The following INPP5E variants were observed in gnomAD, a reference collection of about 807,000 sequenced individuals.
INPP5E encodes the protein phosphatidylinositol polyphosphate 5-phosphatase type IV.
In INPP5E, 34 loss-of-function variants were observed where a neutral mutation model predicts 50.5. The ratio of observed to expected loss-of-function variants is 0.67; its 90% confidence interval spans 0.51 to 0.90. The LOEUF is 0.90. Among genes scored for constraint, INPP5E ranks in the 40% least tolerant of loss-of-function variants. INPP5E has a pLI of 0.00. For synonymous variants in INPP5E, 447 were observed against 406.0 expected (o/e 1.10, Z -1.21); for missense variants, 942 against 905.5 (o/e 1.04, Z -0.52).
rs1022640639 is a variant in INPP5E at position 136,432,568 on chromosome 9, G to A, written c.1298C>T (p.Ala433Val). The A allele has an allele frequency of 8.4e-6, 13 of 1,549,102 alleles. No individual in the cohort carries two copies. Among genetic ancestry groups the A allele is most frequent in the African/African-American group, 2.7e-5 (2 of 73,054 alleles). ...SHFTSGDGKV[A>V]ERLLDYTRTV... is the part of the protein sequence containing the mutation. ...CCTGGTGTAGTCCAGCAGCCGCTCC[G>A]CCACCTTCCCGTCACCTGCTGTGGG... is the stretch of plus-strand genomic sequence containing the variant. The change falls in exon 6 of 10, where the codon GCG (alanine) becomes GTG (valine). Residue 433 changes from alanine to valine, a missense_variant. Coordinates refer to ENST00000371712, the MANE Select transcript of INPP5E (RefSeq NM_019892.6).
Position 136,430,145 on chromosome 9 carries a change from G to A in INPP5E, c.1802+132C>T, listed in dbSNP as rs73670263. ...CTCCAGGATGAGTCCAACCGATCCCGGGGAACACAGCCCTGAAGGTCCCAG... is the reference window on the plus strand; with the variant it reads ...CTCCAGGATGAGTCCAACCGATCCCAGGGAACACAGCCCTGAAGGTCCCAG... On this transcript the variant is annotated intron_variant, in intron 9 of 9. Transcript: ENST00000371712. 2.1e-3 allele frequency: 2,598 copies of A among 1,211,736 alleles called. 35 individuals are homozygous for A. In the African/African-American group the frequency reaches 0.034, roughly 16 times the overall value. The allele number at this position is 1,211,736 out of a possible 1,614,324, so 75.1% of individuals were successfully genotyped here.
chr9:136,433,658 G>A (rs1034370125), intron 3 of INPP5E, among the ~76,000 whole-genome samples: 8 of 152,212 alleles, frequency 5.3e-5, no homozygotes, highest in African/African-American at 9.6e-5. Flanking sequence ...CTTGGGGCCC[G>A]GCCCTGCTCC....
At position 136,433,246 on chromosome 9, in the gene INPP5E, C is replaced by T. The variant is rs1194897168; in HGVS notation, c.1068G>A (p.Leu356=). Residue 356 remains leucine (L), a synonymous_variant, in exon 4 of 10, where the codon CTG becomes CTA. Transcript: ENST00000371712. ...REWETRLQET[L]GPHYVLLSSA... ...AGGACAGCAGCACATAGTGCGGGCC[C>T]AGCGTCTCCTGCAGACGAGTCTCCC... The T allele has an allele frequency of 6.3e-7, 1 of 1,592,152 alleles. No homozygotes were observed. The highest frequency in any genetic ancestry group is 8.5e-7 in the Non-Finnish European group (1 of 1,176,730).
chr9:136,439,461 G>A lies in INPP5E; in HGVS notation c.-42C>T, dbSNP rs766217466. Reference sequence around the variant, plus strand: ...GGCAGGCCTCGGCGCGAGGCCGCAGGCAGCGCGAGGGGTCACGGGTGCCGG... The same window carrying A: ...GGCAGGCCTCGGCGCGAGGCCGCAGACAGCGCGAGGGGTCACGGGTGCCGG... On this transcript the variant is annotated 5_prime_UTR_variant, in exon 1 of 10. Coordinates refer to ENST00000371712, the MANE Select transcript of INPP5E (RefSeq NM_019892.6). The A allele has an allele frequency of 1.4e-6, 2 of 1,390,608 alleles. No homozygotes were observed. Among genetic ancestry groups the A allele is most frequent in the South Asian group, 1.5e-5 (1 of 67,140 alleles). The allele number at this position is 1,390,608 out of a possible 1,614,324, so 86.1% of individuals were successfully genotyped here. A position where few individuals can be genotyped will look rare whatever the true frequency, so the allele number is the denominator to read the frequency against.
chr9:136,432,051 A>C, intron 6 of INPP5E, 66 bp from the exon 7 acceptor site: 1 of 1,591,974 alleles, frequency 6.3e-7, no homozygotes, highest in Non-Finnish European at 8.6e-7. Context: ...CTTCCCCAGA[A>C]CATGGCCTGG....
chr9:136,434,715 C>T (rs1446681085), intron 2 of INPP5E, 25 bp downstream of exon 2: 1 of 1,599,734 alleles, frequency 6.3e-7, no homozygotes, highest in Non-Finnish European at 8.5e-7. Flanking sequence ...CCCTTCCCCG[C>T]CCAGCACCAC....
Position 136,439,048 on chromosome 9 carries a change from G to A in INPP5E, c.372C>T (p.Pro124=). The A allele has an allele frequency of 4.5e-6, 7 of 1,570,402 alleles. No homozygotes were observed. The highest frequency in any genetic ancestry group is 2.3e-5 in the South Asian group (2 of 86,012). Residue 124 remains proline (P), a synonymous_variant, in exon 1 of 10, where the codon CCC becomes CCT. Coordinates refer to ENST00000371712, the MANE Select transcript of INPP5E (RefSeq NM_019892.6). Reference sequence around the variant, plus strand: ...GGCAGGGCGGGGAGCAGCTGTGGGCGGGGGCCCCGGGGCCCTCGCTCTGCA... The same window carrying A: ...GGCAGGGCGGGGAGCAGCTGTGGGCAGGGGCCCCGGGGCCCTCGCTCTGCA... The part of the protein sequence containing the change: ...GSVQSEGPGA[P]AHSCSPPCLS...
Position 136,434,083 on chromosome 9 carries a change from C to T in INPP5E, c.988G>A (p.Ala330Thr), listed in dbSNP as rs761085367. 1.2e-6 allele frequency: 2 copies of T among 1,611,160 alleles called. No individual in the cohort carries two copies. The highest frequency in any genetic ancestry group is 3.3e-4 in the Middle Eastern group (2 of 6,042). Reference sequence around the variant, plus strand: ...ACCCCGATGACATACAGGTCCTGGGCATAGTCGGCCTCGGCTGGGAGCAGG... The same window carrying T: ...ACCCCGATGACATACAGGTCCTGGGTATAGTCGGCCTCGGCTGGGAGCAGG... ...EFLLPAEADY[A>T]QDLYVIGVQE... The change falls in exon 3 of 10, where the codon GCC becomes ACC. Residue 330 changes from alanine to threonine, a missense_variant. By Grantham distance (58) the Ala-to-Thr change is moderately conservative. Transcript: ENST00000371712.
In INPP5E at chr9:136,431,920, C is replaced by A; in HGVS notation, c.1453G>T (p.Gly485Trp). 6.2e-7 allele frequency: 1 copy of A among 1,611,870 alleles called. No homozygotes were observed. Among genetic ancestry groups the A allele is most frequent in the Non-Finnish European group, 8.5e-7 (1 of 1,179,738 alleles). Reference sequence around the variant, plus strand: ...AGGAGGGCGTCCACGACTGTGCGCCCGCCACTCAGGCGGAAGTTGAAGTCT... The same window carrying A: ...AGGAGGGCGTCCACGACTGTGCGCCAGCCACTCAGGCGGAAGTTGAAGTCT... Reference protein sequence around the residue: ...FGDFNFRLSGGRTVVDALLCQ... With the variant: ...FGDFNFRLSGWRTVVDALLCQ... Residue 485 changes from glycine to tryptophan, a missense_variant, in exon 7 of 10, where the codon GGG (glycine) becomes TGG (tryptophan). Physicochemically the swap from Gly to Trp is radical, Grantham distance 184 (BLOSUM62 -2). Coordinates refer to ENST00000371712, the MANE Select transcript of INPP5E (RefSeq NM_019892.6).
chr9:136,432,936 G>T lies in INPP5E; in HGVS notation c.1279+20C>A. 6.2e-7 allele frequency: 1 copy of T among 1,611,416 alleles called. No homozygotes were observed. Among genetic ancestry groups the T allele is most frequent in the Non-Finnish European group, 8.5e-7 (1 of 1,179,036 alleles). On this transcript the variant is annotated intron_variant, in intron 5 of 9. Transcript: ENST00000371712. ...GCTGTTCTCACACAGCACCTGCGGT[G>T]CGGGCACCAAGCAACTTACAGGTGA... is the stretch of plus-strand genomic sequence containing the variant.
Position 136,429,886 on chromosome 9 carries a change from A to AG in INPP5E, c.1803-80dup, listed in dbSNP as rs555224966. On this transcript the variant is annotated intron_variant, in intron 9 of 9. Transcript: ENST00000371712. ...GTTAGGAGGGGGCCGGCCCCGGAGG[A>AG]GGGGGCATTTAAGAGGACACCCAGG... is the stretch of plus-strand genomic sequence containing the variant. 533 of 1,050,316 alleles carry AG rather than the reference A, an allele frequency of 5.1e-4. 10 individuals are homozygous for AG. The South Asian group carries it at 5.8e-3, about 11-fold the overall frequency. 65.1% of individuals were successfully genotyped at this position (1,050,316 alleles called of 1,614,324 possible).
chr9:136,433,241 G>T lies in INPP5E; in HGVS notation c.1073C>A (p.Pro358Gln), dbSNP rs1835755632. 1 of 1,592,738 alleles carries T rather than the reference G, an allele frequency of 6.3e-7. No homozygotes were observed. The highest frequency in any genetic ancestry group is 1.7e-5 in the Admixed American group (1 of 59,218). Residue 358 changes from proline (P) to glutamine (Q), a missense_variant, in exon 4 of 10, where the codon CCG (proline) becomes CAG (glutamine). Transcript: ENST00000371712. ...WETRLQETLG[P>Q]HYVLLSSAAH... ...CGCCGAGGACAGCAGCACATAGTGC[G>T]GGCCCAGCGTCTCCTGCAGACGAGT... is the stretch of plus-strand genomic sequence containing the variant.
At position 136,434,033 on chromosome 9, in the gene INPP5E, C is replaced by T; in HGVS notation, c.1034+4G>A. On this transcript the variant is annotated splice_donor_region_variant and intron_variant, in intron 3 of 9. Coordinates refer to ENST00000371712, the MANE Select transcript of INPP5E (RefSeq NM_019892.6). ...AGGCACTGCAGGGCCTGCAGCCGCC[C>T]TACCTGTCAGAACAGCCCTCCTGGA... The T allele has an allele frequency of 1.2e-6, 2 of 1,603,836 alleles. No individual in the cohort carries two copies. Among genetic ancestry groups the T allele is most frequent in the Non-Finnish European group, 1.7e-6 (2 of 1,176,472 alleles).
chr9:136,433,506 G>A (rs1428113579), intron 3 of INPP5E, among the ~76,000 whole-genome samples: 5 of 152,094 alleles, frequency 3.3e-5, no homozygotes, highest in Admixed American at 1.3e-4. Context: ...GACCCCCGCC[G>A]AGACCCCAGT....
At position 136,431,839 on chromosome 9, in the gene INPP5E, G is replaced by C. The variant is rs374152018; in HGVS notation, c.1534C>G (p.Arg512Gly). ...PALLQHDQLI[R>G]EMRKGSIFKG... ...AGGCCCTCACCTTTCCGCATCTCCC[G>C]GATGAGCTGGTCGTGCTGCAGCAGC... Residue 512 changes from arginine (R) to glycine (G), a missense_variant, in exon 7 of 10, where the codon CGG becomes GGG. Arg to Gly is a moderately radical substitution (Grantham distance 125, BLOSUM62 -2). Coordinates refer to ENST00000371712, the MANE Select transcript of INPP5E (RefSeq NM_019892.6). 2.0e-6 allele frequency: 3 copies of C among 1,535,744 alleles called. No individual in the cohort carries two copies. The highest frequency in any genetic ancestry group is 2.2e-5 in the South Asian group (2 of 89,112).
Position 136,438,608 on chromosome 9 carries a change from C to A in INPP5E, c.812G>T (p.Arg271Met). The change falls in exon 1 of 10, where the codon AGG becomes ATG. Residue 271 changes from arginine to methionine, a missense_variant and splice_region_variant. Coordinates refer to ENST00000371712, the MANE Select transcript of INPP5E (RefSeq NM_019892.6). Reference protein sequence around the residue: ...APIRSKDVRSRSYLEGSLLAS... With the variant: ...APIRSKDVRSMSYLEGSLLAS... ...GCTGCACCCGCCAGGCCCTCCCTAC[C>A]TGCTGCGGACGTCCTTGCTGCGGAT... 1 of 1,553,792 alleles carries A rather than the reference C, an allele frequency of 6.4e-7. No individual in the cohort carries two copies. The highest frequency in any genetic ancestry group is 8.7e-7 in the Non-Finnish European group (1 of 1,149,556).
At chr9:136,433,317 C>A in intron 3 of INPP5E, 38 bp from the exon 4 acceptor site, 4 of 1,547,548 alleles carry the variant, frequency 2.6e-6, no homozygotes, top group Non-Finnish European at 3.5e-6. Flanking sequence ...GGGGACATGG[C>A]CTCCCAGCTC....
intron 3 of INPP5E, among the ~76,000 whole-genome samples, chr9:136,433,511 C>A (rs1184444450): frequency 1.3e-5 from 2 of 152,122 alleles, no homozygotes; most frequent in Non-Finnish European, 2.9e-5. Context: ...CCGCCGAGAC[C>A]CCAGTGAGCA....
chr9:136,432,875 C>A (rs1320078544), intron 5 of INPP5E, 81 bp downstream of exon 5: 1 of 1,544,384 alleles, frequency 6.5e-7, no homozygotes, highest in Non-Finnish European at 8.8e-7. Context: ...GCGGTCAGGA[C>A]CCCTGCCTTG....
Sources: gnomAD v4.1 joint callset for allele counts (sites outside exome capture counted in the v4.1 genomes callset) on GRCh38, gnomAD v4.1.1 for gene constraint, MANE v1.5 for transcripts, NCBI Gene and HGNC (gene_info 2026-07-23, HGNC 2026-07-21) for gene names.